Variants in VPS8 observed in about 807,000 individuals in gnomAD.
VPS8 encodes the protein vacuolar protein sorting-associated protein 8 homolog.
A neutral mutation model predicts 216.4 loss-of-function variants in VPS8; 129 were observed. That is an observed-to-expected ratio of 0.60 (90% confidence interval 0.52 to 0.69). The LOEUF (loss-of-function observed/expected upper bound fraction) is 0.69. Ranked by LOEUF, VPS8 falls within the 30% of genes least tolerant of loss-of-function variation. VPS8 has a pLI of 0.00. For synonymous variants in VPS8, 571 were observed against 565.4 expected, an observed-to-expected ratio of 1.01 and a Z score of -0.14; for missense variants, 1,531 against 1,683.5, an observed-to-expected ratio of 0.91 and a Z score of 1.59.
At chr3:184,936,136 C>CA (rs1421226596) in intron 34 of VPS8, 110 bp from the exon 35 acceptor site, 1 of 843,950 alleles carries the variant, frequency 1.2e-6, no homozygotes, top group Non-Finnish European at 1.8e-6. Context: ...TGCTGAAATG[C>CA]AGCATGGAAG....
At chr3:184,992,022 C>T (rs191099759) in intron 42 of VPS8, among the ~76,000 whole-genome samples, 1 of 152,258 alleles carries the variant, frequency 6.6e-6, no homozygotes, top group East Asian at 1.9e-4. Context: ...CCTTGGATTT[C>T]TTCAGCATAA....
chr3:184,937,605 G>T (rs982000235), intron 35 of VPS8, among the ~76,000 whole-genome samples: 1 of 152,184 alleles, frequency 6.6e-6, no homozygotes, highest in Non-Finnish European at 1.5e-5. Context: ...CAAGAGAAGA[G>T]GGTGATGGAT....
chr3:184,982,148 G>A (rs151184081), intron 40 of VPS8, among the ~76,000 whole-genome samples: 29 of 151,656 alleles, frequency 1.9e-4, no homozygotes, highest in African/African-American at 6.8e-4. Context: ...AGCTAGTGGG[G>A]GTGCTTATTT....
chr3:184,852,141 G>A (rs1056552385), intron 10 of VPS8, among the ~76,000 whole-genome samples: 38 of 152,204 alleles, frequency 2.5e-4, no homozygotes, highest in Non-Finnish European at 4.7e-4. Flanking sequence ...CTGGGCAGGT[G>A]TAAATGTAAC....
At chr3:185,025,795 T>C (rs1757263023) in intron 46 of VPS8, among the ~76,000 whole-genome samples, 1 of 152,216 alleles carries the variant, frequency 6.6e-6, no homozygotes, top group Non-Finnish European at 1.5e-5. Context: ...ACTTCTAACA[T>C]AGTGATGTCA....
chr3:184,863,595 A>C (rs1726784284), intron 16 of VPS8, among the ~76,000 whole-genome samples: 1 of 152,214 alleles, frequency 6.6e-6, no homozygotes, highest in African/African-American at 2.4e-5. Context: ...AGGAGCCTAG[A>C]GAGAAGGAGG....
intron 47 of VPS8, among the ~76,000 whole-genome samples, chr3:185,049,071 C>T (rs942407811): frequency 3.3e-5 from 5 of 152,228 alleles, no homozygotes; most frequent in Non-Finnish European, 5.9e-5. Context: ...TTCCTTAGCA[C>T]ATGACTTAAA....
intron 39 of VPS8, among the ~76,000 whole-genome samples, chr3:184,968,650 T>C (rs1172868679): frequency 6.6e-6 from 1 of 152,252 alleles, no homozygotes; most frequent in Non-Finnish European, 1.5e-5. Flanking sequence ...CCTGAGTATT[T>C]TGGCTATTTA....
At chr3:185,021,907 C>T (rs1756713983) in intron 45 of VPS8, among the ~76,000 whole-genome samples, 1 of 152,158 alleles carries the variant, frequency 6.6e-6, no homozygotes, top group African/African-American at 2.4e-5. Context: ...TTTACCAGCA[C>T]CTCATTCTAG....
chr3:185,050,195 G>A (rs777273029), intron 47 of VPS8, among the ~76,000 whole-genome samples: 10 of 150,802 alleles, frequency 6.6e-5, no homozygotes, highest in African/African-American at 9.8e-5. Flanking sequence ...TGAGTTGAGC[G>A]TCTGTGGCTC....
chr3:184,999,203 A>G (rs1462002762), intron 44 of VPS8, among the ~76,000 whole-genome samples: 1 of 152,092 alleles, frequency 6.6e-6, no homozygotes, highest in East Asian at 1.9e-4. Context: ...GATTACAGGT[A>G]CCTGCCACCA....
chr3:184,995,590 A>C (rs190008575), intron 43 of VPS8, among the ~76,000 whole-genome samples: 1 of 152,346 alleles, frequency 6.6e-6, no homozygotes, highest in African/African-American at 2.4e-5. Flanking sequence ...GGCAGTACCT[A>C]GCTCTATCTT....
Position 184,894,709 on chromosome 3 carries a change from T to G in VPS8, c.1788T>G (p.Leu596=), listed in dbSNP as rs200319292. The change falls in exon 23 of 48, where the codon CTT becomes CTG. Residue 596 remains leucine (L), a synonymous_variant. Transcript: ENST00000625842. ...DYCLLLQRKD[L]LFSQMYDKLS... ...CCCCCCCTTTCTGTTACAGGGATCT[T>G]TTATTTAGTCAGATGTATGATAAAT... 1 of 1,596,518 alleles carries G rather than the reference T, an allele frequency of 6.3e-7. No homozygotes were observed. Among genetic ancestry groups the G allele is most frequent in the East Asian group, 2.2e-5 (1 of 44,526 alleles).
Position 184,940,186 on chromosome 3 carries a change from T to C in VPS8, c.2989-11T>C. ...ATATTTAATTGTAATTTTTATTGTTTTTCTGTTCAGAACCAGGTTTTGCTT... is the reference window on the plus strand; with the variant it reads ...ATATTTAATTGTAATTTTTATTGTTCTTCTGTTCAGAACCAGGTTTTGCTT... On this transcript the variant is annotated splice_polypyrimidine_tract_variant and intron_variant, in intron 35 of 47. Coordinates refer to ENST00000625842, the MANE Select transcript of VPS8 (RefSeq NM_001009921.3). 1.0e-5 allele frequency: 15 copies of C among 1,474,242 alleles called. No homozygotes were observed. The highest frequency in any genetic ancestry group is 1.4e-5 in the Non-Finnish European group (15 of 1,100,384). The allele number at this position is 1,474,242 out of a possible 1,614,324, so 91.3% of individuals were successfully genotyped here.
chr3:184,891,302 G>T (rs1427994532), intron 22 of VPS8, among the ~76,000 whole-genome samples: 17 of 152,004 alleles, frequency 1.1e-4, no homozygotes, highest in Admixed American at 1.1e-3. Flanking sequence ...CTTTTAATTT[G>T]TTCACTCATG....
chr3:184,895,011 T>A (rs1274618064), intron 23 of VPS8, 86 bp downstream of exon 23: 197 of 1,132,028 alleles, frequency 1.7e-4, no homozygotes, highest in Non-Finnish European at 9.9e-6. Flanking sequence ...GGCCTGACCC[T>A]GCCTTCTAAG....
chr3:184,858,761 A>G (rs1725747327), intron 14 of VPS8, among the ~76,000 whole-genome samples: 1 of 152,148 alleles, frequency 6.6e-6, no homozygotes, highest in Non-Finnish European at 1.5e-5. Flanking sequence ...CAACAAGCAA[A>G]ATGCCTTGAG....
intron 8 of VPS8, among the ~76,000 whole-genome samples, chr3:184,848,564 C>CTTTTTT (rs35715889): frequency 1.1e-3 from 92 of 87,168 alleles, no homozygotes; most frequent in Middle Eastern, 7.9e-3. Context: ...TTCCTGTATT[C>CTTTTTT]TTTTTTTTTT....
At chr3:184,920,424 A>G (rs1205154085) in intron 29 of VPS8, among the ~76,000 whole-genome samples, 1 of 152,202 alleles carries the variant, frequency 6.6e-6, no homozygotes, top group Non-Finnish European at 1.5e-5. Context: ...AATAGAGGGC[A>G]CTACTGTGAG....
Sources: gnomAD v4.1 joint callset for allele counts (sites outside exome capture counted in the v4.1 genomes callset) on GRCh38, gnomAD v4.1.1 for gene constraint, MANE v1.5 for transcripts, NCBI Gene and HGNC (gene_info 2026-07-23, HGNC 2026-07-21) for gene names.